PPIA: variants seen among roughly 807,000 people sequenced by gnomAD.
PPIA encodes peptidylprolyl isomerase A.
Under a neutral mutation model 15.3 loss-of-function variants are expected in PPIA, and 2 were observed. That is an observed-to-expected ratio of 0.13 (90% CI 0.05 to 0.41). PPIA has a LOEUF of 0.41. PPIA is among the 10% of genes least tolerant of loss of function. PPIA has a pLI of 0.99. For synonymous variants in PPIA, 67 were observed against 73.1 expected, an observed-to-expected ratio of 0.92 and a Z score of 0.43; for missense variants, 103 against 210.3, an observed-to-expected ratio of 0.49 and a Z score of 3.16.
Position 44,801,825 on chromosome 7 carries a change from T to C in PPIA, c.*403T>C, listed in dbSNP as rs1792571596. Reference sequence around the variant, plus strand: ...CAACTGGGCATGGTGGCTCACTGTCTGTAATGTATTACCTGAGGCAGAAGA... The same window carrying C: ...CAACTGGGCATGGTGGCTCACTGTCCGTAATGTATTACCTGAGGCAGAAGA... On this transcript the variant is annotated 3_prime_UTR_variant, in exon 5 of 5. Coordinates refer to ENST00000468812, the MANE Select transcript of PPIA (RefSeq NM_021130.5). The C allele has an allele frequency of 5.1e-6, 1 of 195,490 alleles. No homozygotes were observed. Among genetic ancestry groups the C allele is most frequent in the Non-Finnish European group, 1.0e-5 (1 of 95,342 alleles). 12.1% of individuals were successfully genotyped at this position (195,490 alleles called of 1,614,324 possible). A position where few individuals can be genotyped will look rare whatever the true frequency, so the allele number is the denominator to read the frequency against.
In PPIA at chr7:44,801,714, A is replaced by G. The variant is rs1057172010; in HGVS notation, c.*292A>G. 3 of 295,150 alleles carry G rather than the reference A, an allele frequency of 1.0e-5. No homozygotes were observed. Among genetic ancestry groups the G allele is most frequent in the South Asian group, 7.4e-5 (2 of 26,942 alleles). The allele number at this position is 295,150 out of a possible 1,614,324, so 18.3% of individuals were successfully genotyped here. A position where few individuals can be genotyped will look rare whatever the true frequency, so the allele number is the denominator to read the frequency against. ...TTCTGAAACATCACTTGTTTGCTTAATTCTACACAGTACTTAGATTTTTTT... is the reference window on the plus strand; with the variant it reads ...TTCTGAAACATCACTTGTTTGCTTAGTTCTACACAGTACTTAGATTTTTTT... On this transcript the variant is annotated 3_prime_UTR_variant, in exon 5 of 5. Transcript: ENST00000468812.
At position 44,796,776 on chromosome 7, in the gene PPIA, G is replaced by A; in HGVS notation, c.52G>A (p.Gly18Ser). 1 of 1,609,392 alleles carries A rather than the reference G, an allele frequency of 6.2e-7. No individual in the cohort carries two copies. The highest frequency in any genetic ancestry group is 8.5e-7 in the Non-Finnish European group (1 of 1,178,518). ...FDIAVDGEPL[G>S]RVSFELFADK... ...CATTGCCGTCGACGGCGAGCCCTTG[G>A]GCCGCGTCTCCTTTGAGGTCGGGCG... Residue 18 changes from glycine (G) to serine (S), a missense_variant, in exon 1 of 5, where the codon GGC becomes AGC. Gly to Ser is a moderately conservative substitution (Grantham distance 56, BLOSUM62 0). Transcript: ENST00000468812.
At chr7:44,800,400 T>TTG (rs1214505742) in intron 4 of PPIA, 90 of 55,806 alleles carry the variant, frequency 1.6e-3, no homozygotes, top group Non-Finnish European at 4.4e-3. Context: ...ATTAAGTGCT[T>TTG]TTTTTTTTTT....
chr7:44,799,564 TGA>T, intron 3 of PPIA, 84 bp downstream of exon 3: 3 of 1,571,506 alleles, frequency 1.9e-6, no homozygotes, highest in Non-Finnish European at 2.6e-6. Context: ...TACACATATC[TGA>T]ACTGTTACTC....
chr7:44,796,863 C>T, intron 1 of PPIA, 70 bp downstream of exon 1: 1 of 1,494,144 alleles, frequency 6.7e-7, no homozygotes, highest in Non-Finnish European at 9.0e-7. Context: ...GTGGTAGCGC[C>T]CCAAAGGCCC....
chr7:44,796,940 G>A, intron 1 of PPIA, 147 bp downstream of exon 1: 5 of 890,818 alleles, frequency 5.6e-6, no homozygotes, highest in African/African-American at 1.8e-5. Context: ...CTGACGAGGG[G>A]CCATTTTGGG....
intron 2 of PPIA, 55 bp from the exon 3 acceptor site, chr7:44,799,337 G>GT: frequency 6.3e-7 from 1 of 1,599,080 alleles, no homozygotes; most frequent in Non-Finnish European, 8.6e-7. Flanking sequence ...GTGTGTGTGT[G>GT]TGTATATATA....
intron 1 of PPIA, chr7:44,798,498 A>G (rs910730313): frequency 1.9e-5 from 3 of 155,828 alleles, no homozygotes; most frequent in Admixed American, 6.6e-5. Flanking sequence ...GGTGACAGTG[A>G]GACTCTTGTC....
At position 44,802,954 on chromosome 7, in the gene PPIA, G is replaced by C. The variant is rs1233999730; in HGVS notation, c.*1532G>C. The C allele has an allele frequency of 1.3e-5, 2 of 152,166 alleles. No individual in the cohort carries two copies. The highest frequency in any genetic ancestry group is 4.8e-5 in the African/African-American group (2 of 41,424). The allele number at this position is 152,166 out of a possible 1,614,324, so 9.4% of individuals were successfully genotyped here. A position where few individuals can be genotyped will look rare whatever the true frequency, so the allele number is the denominator to read the frequency against. ...TGTGTTGGGCAATTTTTGTTTTACT[G>C]TCTGGTTCCTTCTGCGTGAATTACC... On this transcript the variant is annotated 3_prime_UTR_variant, in exon 5 of 5. Coordinates refer to ENST00000468812, the MANE Select transcript of PPIA (RefSeq NM_021130.5).
At chr7:44,796,915 C>T in intron 1 of PPIA, 122 bp downstream of exon 1, 6 of 1,109,176 alleles carry the variant, frequency 5.4e-6, no homozygotes, top group South Asian at 1.7e-5. Flanking sequence ...CGCGGGCGGG[C>T]TGCGGCGCCA....
chr7:44,801,466 T>G lies in PPIA; in HGVS notation c.*44T>G. On this transcript the variant is annotated 3_prime_UTR_variant, in exon 5 of 5. Coordinates refer to ENST00000468812, the MANE Select transcript of PPIA (RefSeq NM_021130.5). ...CTTAACCACCAGATCATTCCTTCTGTAGCTCAGGAGAGCACCCCTCCACCC... is the reference window on the plus strand; with the variant it reads ...CTTAACCACCAGATCATTCCTTCTGGAGCTCAGGAGAGCACCCCTCCACCC... 1 of 1,435,194 alleles carries G rather than the reference T, an allele frequency of 7.0e-7. No homozygotes were observed. Among genetic ancestry groups the G allele is most frequent in the South Asian group, 1.2e-5 (1 of 86,274 alleles). The allele number at this position is 1,435,194 out of a possible 1,614,324, so 88.9% of individuals were successfully genotyped here.
chr7:44,802,191 T>TTCC lies in PPIA; in HGVS notation c.*769_*770insTCC, dbSNP rs751464359. The TTCC allele has an allele frequency of 6.8e-6, 1 of 147,004 alleles. No individual in the cohort carries two copies. Among genetic ancestry groups the TTCC allele is most frequent in the Admixed American group, 6.7e-5 (1 of 14,998 alleles). 9.1% of individuals were successfully genotyped at this position (147,004 alleles called of 1,614,324 possible). ...TGTTGCGGTTTTTTTTTTTTTTTTT[T>TTCC]CCCCTGGAATGCAGTGGCGTGATCT... On this transcript the variant is annotated 3_prime_UTR_variant, in exon 5 of 5. Coordinates refer to ENST00000468812, the MANE Select transcript of PPIA (RefSeq NM_021130.5).
At chr7:44,798,737 C>G (rs1792457340) in intron 1 of PPIA, 1 of 986,202 alleles carries the variant, frequency 1.0e-6, no homozygotes, top group Non-Finnish European at 1.2e-6. Flanking sequence ...TATTTTTTAC[C>G]CCACTACTAG....
rs757003584 is a variant in PPIA, at chr7:44,799,242, T to TAC, written c.70-3_70-2dup. 6.2e-7 allele frequency: 1 copy of TAC among 1,613,386 alleles called. No homozygotes were observed. The highest frequency in any genetic ancestry group is 8.5e-7 in the Non-Finnish European group (1 of 1,179,758). On this transcript the variant is annotated splice_polypyrimidine_tract_variant and splice_region_variant and intron_variant, in intron 1 of 4. Coordinates refer to ENST00000468812, the MANE Select transcript of PPIA (RefSeq NM_021130.5). ...ATGTTAATTAACTGTAATTTTCTCTTACAGCTGTTTGCAGACAAGGTCCCA... is the reference window on the plus strand; with the variant it reads ...ATGTTAATTAACTGTAATTTTCTCTTACACAGCTGTTTGCAGACAAGGTCCCA...
chr7:44,801,091 A>G (rs1792544088), intron 4 of PPIA, among the ~76,000 whole-genome samples, 196 bp from the exon 5 acceptor site: 1 of 152,070 alleles, frequency 6.6e-6, no homozygotes, highest in African/African-American at 2.4e-5. Context: ...TGCTGGGATT[A>G]CAGGCGTGAG....
intron 1 of PPIA, chr7:44,798,616 GT>G: frequency 1.9e-6 from 1 of 522,398 alleles, no homozygotes; most frequent in Non-Finnish European, 2.5e-6. Context: ...TAAACAAGCT[GT>G]TTTTATGAAA....
chr7:44,799,928 G>T (rs1792495245), intron 4 of PPIA, 54 bp downstream of exon 4: 2 of 1,561,614 alleles, frequency 1.3e-6, no homozygotes, highest in Non-Finnish European at 8.7e-7. Context: ...AGTTGCCCTG[G>T]GGGGAACGGA....
chr7:44,800,777 G>T (rs890847756), intron 4 of PPIA, among the ~76,000 whole-genome samples: 2 of 151,832 alleles, frequency 1.3e-5, no homozygotes, highest in Non-Finnish European at 2.9e-5. Context: ...TTTTTGTTTT[G>T]TTTTGTTTGT....
At chr7:44,799,990 A>G (rs1012911682) in intron 4 of PPIA, 116 bp downstream of exon 4, 2 of 1,029,284 alleles carry the variant, frequency 1.9e-6, no homozygotes, top group African/African-American at 3.2e-5. Flanking sequence ...TTCATCCCTA[A>G]GATACTAGAA....
Sources: gnomAD v4.1 joint callset for allele counts (sites outside exome capture counted in the v4.1 genomes callset) on GRCh38, gnomAD v4.1.1 for gene constraint, MANE v1.5 for transcripts, NCBI Gene and HGNC (gene_info 2026-07-23, HGNC 2026-07-21) for gene names.